GNAQ: variants seen among roughly 807,000 people sequenced by gnomAD.
GNAQ encodes G protein subunit alpha q.
GNAQ carries 8 observed loss-of-function variants against 43.9 expected under a neutral mutation model. The observed-to-expected ratio is 0.18, with a 90% CI of 0.11 to 0.33. GNAQ has a LOEUF of 0.33. GNAQ is among the 10% of genes least tolerant of loss of function. The pLI, the probability that GNAQ is intolerant of heterozygous loss-of-function variation, is 1.00. For missense variants in GNAQ, 158 were observed against 450.8 expected (o/e 0.35, Z 5.88); for synonymous variants, 155 against 170.7 (o/e 0.91, Z 0.71).
At chr9:77,847,650 G>T (rs1002812733) in intron 2 of GNAQ, among the ~76,000 whole-genome samples, 5 of 152,196 alleles carry the variant, frequency 3.3e-5, no homozygotes, top group African/African-American at 9.7e-5. Context: ...TGAAAAGTGG[G>T]GAGGTAAAAT....
intron 2 of GNAQ, among the ~76,000 whole-genome samples, chr9:77,909,367 GAAGA>G (rs1277892190): frequency 6.6e-6 from 1 of 152,178 alleles, no homozygotes; most frequent in Non-Finnish European, 1.5e-5. Flanking sequence ...ACGGTCAAGA[GAAGA>G]AAGACTAGGC....
chr9:78,006,359 T>C (rs1266220028), intron 1 of GNAQ, among the ~76,000 whole-genome samples: 1 of 152,146 alleles, frequency 6.6e-6, no homozygotes, highest in African/African-American at 2.4e-5. Flanking sequence ...CTCAATTCAG[T>C]AGGACTGTCT....
intron 3 of GNAQ, among the ~76,000 whole-genome samples, chr9:77,808,869 AAAAAC>A (rs568207074): frequency 4.6e-5 from 7 of 151,788 alleles, no homozygotes; most frequent in South Asian, 4.2e-4. Context: ...TAAACTTAAA[AAAAAC>A]AAAACAAAAC....
chr9:77,834,270 G>T (rs1415985423), intron 2 of GNAQ, among the ~76,000 whole-genome samples: 1 of 152,150 alleles, frequency 6.6e-6, no homozygotes, highest in Non-Finnish European at 1.5e-5. Context: ...TTCTCTTGTA[G>T]TTTACAACCA....
At chr9:77,808,848 T>C (rs1490979546) in intron 3 of GNAQ, among the ~76,000 whole-genome samples, 1 of 151,444 alleles carries the variant, frequency 6.6e-6, no homozygotes, top group Non-Finnish European at 1.5e-5. Context: ...TTCAAAAGCC[T>C]GGAGTAGGCT....
intron 3 of GNAQ, among the ~76,000 whole-genome samples, chr9:77,804,884 T>TA (rs1285333655): frequency 1.3e-5 from 2 of 152,102 alleles, no homozygotes; most frequent in African/African-American, 4.8e-5. Flanking sequence ...CGACTTCATT[T>TA]AAAAAAATTA....
intron 1 of GNAQ, among the ~76,000 whole-genome samples, chr9:78,017,616 A>C (rs1333451132): frequency 6.6e-6 from 1 of 152,234 alleles, no homozygotes; most frequent in South Asian, 2.1e-4. Flanking sequence ...CTTTCATGGA[A>C]TATCTAAAGC....
chr9:77,979,237 T>G (rs1292276205), intron 1 of GNAQ, among the ~76,000 whole-genome samples: 1 of 151,590 alleles, frequency 6.6e-6, no homozygotes, highest in East Asian at 1.9e-4. Flanking sequence ...ATGCCTATAA[T>G]CCCAGTTACT....
intron 5 of GNAQ, among the ~76,000 whole-genome samples, chr9:77,778,251 CTATA>C (rs953679774): frequency 2.0e-5 from 3 of 150,592 alleles, no homozygotes; most frequent in Non-Finnish European, 3.0e-5. Flanking sequence ...ACGTATTCCT[CTATA>C]TAAGGGAAAT....
At chr9:77,873,606 C>CT (rs1828077389) in intron 2 of GNAQ, among the ~76,000 whole-genome samples, 1 of 152,124 alleles carries the variant, frequency 6.6e-6, no homozygotes, top group Non-Finnish European at 1.5e-5. Flanking sequence ...ATGGGAAAGA[C>CT]TGGCAGTGCG....
chr9:77,908,412 T>C (rs1318592841), intron 2 of GNAQ, among the ~76,000 whole-genome samples: 1 of 152,184 alleles, frequency 6.6e-6, no homozygotes, highest in African/African-American at 2.4e-5. Flanking sequence ...TAGCCTCTTG[T>C]ATGTCTTTAA....
intron 2 of GNAQ, among the ~76,000 whole-genome samples, chr9:77,869,329 A>C (rs1827999077): frequency 6.6e-6 from 1 of 152,228 alleles, no homozygotes; most frequent in South Asian, 2.1e-4. Flanking sequence ...GGAAAAAACT[A>C]GCCCCAACCT....
At chr9:77,807,523 A>G (rs1196256252) in intron 3 of GNAQ, among the ~76,000 whole-genome samples, 1 of 152,182 alleles carries the variant, frequency 6.6e-6, no homozygotes, top group African/African-American at 2.4e-5. Context: ...TATGCCAGAC[A>G]TTCTTTGTGT....
chr9:78,019,939 A>AAG (rs1554733994), intron 1 of GNAQ, among the ~76,000 whole-genome samples: 4 of 149,136 alleles, frequency 2.7e-5, no homozygotes, highest in South Asian at 2.1e-4. Flanking sequence ...AAAAAAAAAA[A>AAG]AAAGAAAGAA....
At chr9:77,817,279 T>C (rs1827034062) in intron 2 of GNAQ, among the ~76,000 whole-genome samples, 1 of 152,204 alleles carries the variant, frequency 6.6e-6, no homozygotes, top group South Asian at 2.1e-4. Context: ...TTTGTTGTCT[T>C]TCTCTCTAAT....
chr9:78,002,505 T>C (rs1823656298), intron 1 of GNAQ, among the ~76,000 whole-genome samples: 1 of 152,164 alleles, frequency 6.6e-6, no homozygotes, highest in Non-Finnish European at 1.5e-5. Flanking sequence ...AACCAGCCCT[T>C]GGTACAGAGC....
intron 2 of GNAQ, among the ~76,000 whole-genome samples, chr9:77,874,570 T>C (rs2118040937): frequency 6.6e-6 from 1 of 152,278 alleles, no homozygotes; most frequent in East Asian, 1.9e-4. Context: ...CCTTGAATTC[T>C]GGAAGCTGCC....
chr9:78,012,053 A>T (rs1823778268), intron 1 of GNAQ, among the ~76,000 whole-genome samples: 1 of 152,188 alleles, frequency 6.6e-6, no homozygotes. Context: ...CCAAATTTTT[A>T]AAAAAGCAAA....
intron 2 of GNAQ, among the ~76,000 whole-genome samples, chr9:77,920,765 C>G (rs1441089408): frequency 1.3e-5 from 2 of 152,098 alleles, no homozygotes; most frequent in African/African-American, 4.8e-5. Flanking sequence ...TGGAAAGATT[C>G]CTGTTGCCAC....
Sources: allele counts gnomAD v4.1 joint callset (sites outside exome capture counted in the v4.1 genomes callset), GRCh38; gene constraint gnomAD v4.1.1; transcripts MANE v1.5; gene names NCBI Gene and HGNC (gene_info 2026-07-23, HGNC 2026-07-21).